Variants in SLC7A2 observed in about 807,000 individuals in gnomAD.
The protein encoded by SLC7A2 is cationic amino acid transporter 2.
SLC7A2 carries 48 observed loss-of-function variants against 58.9 expected under a neutral mutation model. That is an observed-to-expected ratio of 0.82 (90% CI 0.65 to 1.04). The LOEUF is 1.04. SLC7A2 is among the 50% of genes least tolerant of loss of function. SLC7A2 has a pLI of 0.00. For synonymous variants in SLC7A2, 363 were observed against 314.5 expected (o/e 1.15, Z -1.63); for missense variants, 1,029 against 818.8 (o/e 1.26, Z -3.13).
In SLC7A2 at chr8:17,542,608, G is replaced by A. The variant is rs28573094; in HGVS notation, c.-22-710G>A. On this transcript the variant is annotated intron_variant, in intron 2 of 12. Transcript: ENST00000494857. The stretch of plus-strand genomic sequence containing the variant: ...TGAGGCTTCAGTGAGCTATGATCAC[G>A]CCACTGTGCTGCAGCCTGGGTGACA... Among the ~76,000 whole-genome samples, 450 of 151,268 alleles carry A rather than the reference G, an allele frequency of 3.0e-3. 1 individual carries two copies. Among genetic ancestry groups the A allele is most frequent in the African/African-American group, 0.01 (429 of 41,340 alleles).
intron 10 of SLC7A2, 144 bp downstream of exon 10, chr8:17,560,677 C>T (rs1438659558): frequency 3.0e-6 from 2 of 656,362 alleles, no homozygotes; most frequent in Non-Finnish European, 5.4e-6. Context: ...AAAGCATCAC[C>T]AGTGGTTGAG....
intron 10 of SLC7A2, 110 bp from the exon 11 acceptor site, chr8:17,561,834 C>A: frequency 1.0e-6 from 1 of 975,058 alleles, no homozygotes; most frequent in Non-Finnish European, 1.5e-6. Context: ...TGTATTTAGC[C>A]AAGTAGATGT....
chr8:17,508,682 C>G (rs1054170044), intron 2 of SLC7A2, among the ~76,000 whole-genome samples: 37 of 151,604 alleles, frequency 2.4e-4, no homozygotes, highest in Admixed American at 6.6e-5. Flanking sequence ...CGAGACCACT[C>G]CAGCCTGCGA....
In SLC7A2 at chr8:17,499,939, A is replaced by G. The variant is rs1429342707; in HGVS notation, c.-68-2318A>G. The G allele has an allele frequency of 4.6e-5, 7 of 152,214 alleles. No homozygotes were observed. In the East Asian group the frequency reaches 1.2e-3, roughly 25 times the overall value. The allele number at this position is 152,214 out of a possible 1,614,324, so 9.4% of individuals were successfully genotyped here. ...TATGTGTCACATAACACATGCTTAT[A>G]TGTCTTTATTGTTGAGTGAATGCCA... On this transcript the variant is annotated intron_variant, in intron 1 of 12. Transcript: ENST00000494857.
intron 2 of SLC7A2, 99 bp downstream of exon 2, chr8:17,502,401 T>C (rs1275282789): frequency 6.6e-6 from 1 of 152,160 alleles, no homozygotes; most frequent in Non-Finnish European, 1.5e-5. Flanking sequence ...TATTCCATAT[T>C]AGAGAGGGAA....
At chr8:17,524,146 A>G (rs886446676) in intron 2 of SLC7A2, among the ~76,000 whole-genome samples, 1 of 152,204 alleles carries the variant, frequency 6.6e-6, no homozygotes, top group Non-Finnish European at 1.5e-5. Flanking sequence ...ATACTTTTAC[A>G]CTGTTGGTGG....
rs1465172939 is a variant in SLC7A2, at chr8:17,558,376, C to A, written c.1277C>A (p.Ala426Glu). The A allele has an allele frequency of 6.2e-7, 1 of 1,612,600 alleles. No homozygotes were observed. Among genetic ancestry groups the A allele is most frequent in the Non-Finnish European group, 8.5e-7 (1 of 1,178,912 alleles). Residue 426 changes from alanine to glutamate, a missense_variant, in exon 9 of 13, where the codon GCA becomes GAA. Transcript: ENST00000494857. Reference protein sequence around the residue: ...IGTLMAYSLVAACVLILRYQP... With the variant: ...IGTLMAYSLVEACVLILRYQP... ...ACACTCATGGCCTACTCTCTGGTGG[C>A]AGCCTGTGTTCTCATCCTCAGGTGA...
Position 17,547,785 on chromosome 8 carries a change from A to AGTGTGTGTGTGTGTGT in SLC7A2, c.533-870_533-855dup, listed in dbSNP as rs35052068. Among the ~76,000 whole-genome samples, 899 of 144,782 alleles carry AGTGTGTGTGTGTGTGT rather than the reference A, an allele frequency of 6.2e-3. 7 individuals are homozygous for AGTGTGTGTGTGTGTGT. Among genetic ancestry groups the AGTGTGTGTGTGTGTGT allele is most frequent in the Non-Finnish European group, 9.6e-3 (631 of 65,850 alleles). The allele number at this position is 144,782 out of a possible 152,430, so 95.0% of individuals were successfully genotyped here. On this transcript the variant is annotated intron_variant, in intron 4 of 12. Coordinates refer to ENST00000494857, the MANE Select transcript of SLC7A2 (RefSeq NM_001370338.1). ...GATTATATATTTACTGGCACAAAAGAGTGTGTGTGTGTGTGTGTGTGTGTG... is the reference window on the plus strand; with the variant it reads ...GATTATATATTTACTGGCACAAAAGAGTGTGTGTGTGTGTGTGTGTGTGTGTGTGTGTGTGTGTGTG...
At chr8:17,527,703 G>A (rs547511779) in intron 2 of SLC7A2, among the ~76,000 whole-genome samples, 3 of 152,186 alleles carry the variant, frequency 2.0e-5, no homozygotes, top group African/African-American at 2.4e-5. Context: ...TCATCACATG[G>A]CATTCTTCGT....
intron 2 of SLC7A2, among the ~76,000 whole-genome samples, chr8:17,515,370 A>G (rs542162849): frequency 6.7e-6 from 1 of 149,858 alleles, no homozygotes; most frequent in Non-Finnish European, 1.5e-5. Context: ...ATCTCGGCTC[A>G]CTGCAACCTC....
intron 2 of SLC7A2, among the ~76,000 whole-genome samples, chr8:17,503,034 A>G (rs1236850741): frequency 6.6e-6 from 1 of 151,934 alleles, no homozygotes; most frequent in Non-Finnish European, 1.5e-5. Flanking sequence ...AGTAGAAAAC[A>G]TCTCTATTTC....
At chr8:17,539,646 A>G (rs879642968) in intron 2 of SLC7A2, among the ~76,000 whole-genome samples, 1 of 152,140 alleles carries the variant, frequency 6.6e-6, no homozygotes, top group Non-Finnish European at 1.5e-5. Flanking sequence ...TGTATGGGCC[A>G]CTTCCCAAAA....
chr8:17,554,941 T>C (rs763312210), intron 8 of SLC7A2: 1 of 1,613,840 alleles, frequency 6.2e-7, no homozygotes, highest in Non-Finnish European at 8.5e-7. Context: ...ATTTTTCTGT[T>C]CTAGTCTTCT....
chr8:17,521,968 C>T (rs1167583508), intron 2 of SLC7A2, among the ~76,000 whole-genome samples: 2 of 152,200 alleles, frequency 1.3e-5, no homozygotes, highest in Non-Finnish European at 2.9e-5. Flanking sequence ...CAGAATCTTA[C>T]TGAGACTGTG....
chr8:17,525,361 A>C (rs1801182093), intron 2 of SLC7A2, among the ~76,000 whole-genome samples: 1 of 152,196 alleles, frequency 6.6e-6, no homozygotes, highest in Admixed American at 6.5e-5. Flanking sequence ...GTAGACCTTA[A>C]ATATATGCAA....
At chr8:17,558,969 A>G (rs2248010) in intron 9 of SLC7A2, among the ~76,000 whole-genome samples, 41,718 of 152,102 alleles carry the variant, frequency 0.27, 6,128 homozygotes, top group Middle Eastern at 0.35. Context: ...AAGAAATCAT[A>G]TATGCCGATA....
chr8:17,508,004 A>G (rs1800443208), intron 2 of SLC7A2, among the ~76,000 whole-genome samples: 1 of 152,176 alleles, frequency 6.6e-6, no homozygotes, highest in South Asian at 2.1e-4. Context: ...AAAAATAAAA[A>G]GACTTTTAAA....
intron 2 of SLC7A2, among the ~76,000 whole-genome samples, chr8:17,526,462 T>C (rs914715189): frequency 2.2e-4 from 34 of 152,004 alleles, no homozygotes; most frequent in Non-Finnish European, 1.0e-4. Context: ...GAAAAGGACC[T>C]GAAGCCCGAG....
At chr8:17,535,946 C>T (rs1488437468) in intron 2 of SLC7A2, among the ~76,000 whole-genome samples, 1 of 152,014 alleles carries the variant, frequency 6.6e-6, no homozygotes, top group Non-Finnish European at 1.5e-5. Flanking sequence ...AGATAGCCCA[C>T]TAACATTGAA....
Sources: gnomAD v4.1 joint callset for allele counts (sites outside exome capture counted in the v4.1 genomes callset) on GRCh38, gnomAD v4.1.1 for gene constraint, MANE v1.5 for transcripts, NCBI Gene and HGNC (gene_info 2026-07-23, HGNC 2026-07-21) for gene names.